Variants in SOX5 observed in about 807,000 individuals in gnomAD.
SOX5 encodes the protein transcription factor SOX-5.
In SOX5, 9 loss-of-function variants were observed where a neutral mutation model predicts 92.0. That is an observed-to-expected ratio of 0.10 (90% CI 0.06 to 0.17). The LOEUF is 0.17. SOX5 is among the 10% of genes least tolerant of loss of function. The pLI, the probability that SOX5 is intolerant of heterozygous loss-of-function variation, is 1.00. For synonymous variants in SOX5, 344 were observed against 336.3 expected, an observed-to-expected ratio of 1.02 and a Z score of -0.25; for missense variants, 642 against 944.5, an observed-to-expected ratio of 0.68 and a Z score of 4.20.
At chr12:24,005,316 A>G (rs1488821222) in intron 4 of SOX5, among the ~76,000 whole-genome samples, 6 of 152,180 alleles carry the variant, frequency 3.9e-5, no homozygotes, top group African/African-American at 1.4e-4. Flanking sequence ...GATTATTAGA[A>G]AGGAAGCATC....
chr12:23,839,399 C>T (rs550563842), intron 3 of SOX5, among the ~76,000 whole-genome samples: 222 of 152,282 alleles, frequency 1.5e-3, no homozygotes, highest in Middle Eastern at 3.4e-3. Flanking sequence ...CACATACTCT[C>T]ACAAAGCTGG....
At chr12:23,591,958 T>G (rs903788247) in intron 9 of SOX5, among the ~76,000 whole-genome samples, 2 of 152,120 alleles carry the variant, frequency 1.3e-5, no homozygotes, top group African/African-American at 4.8e-5. Context: ...TTATGAAATA[T>G]CTACACTGCC....
intron 4 of SOX5, among the ~76,000 whole-genome samples, chr12:24,104,024 G>A (rs1946391581): frequency 6.6e-6 from 1 of 152,180 alleles, no homozygotes; most frequent in Admixed American, 6.5e-5. Flanking sequence ...GTACAGGAAA[G>A]TTTTGAGTCT....
At chr12:23,544,799 T>C (rs1334174362) in intron 12 of SOX5, among the ~76,000 whole-genome samples, 1 of 152,240 alleles carries the variant, frequency 6.6e-6, no homozygotes, top group Non-Finnish European at 1.5e-5. Flanking sequence ...CCCGTAATTG[T>C]CTTTTATTGA....
intron 4 of SOX5, among the ~76,000 whole-genome samples, chr12:24,102,807 C>A (rs1593180775): frequency 6.6e-6 from 1 of 152,312 alleles, no homozygotes; most frequent in South Asian, 2.1e-4. Context: ...GCAGTGGCTA[C>A]TAATTTTTTC....
At chr12:24,308,171 G>A (rs182653156) in intron 2 of SOX5, among the ~76,000 whole-genome samples, 1 of 152,302 alleles carries the variant, frequency 6.6e-6, no homozygotes, top group Non-Finnish European at 1.5e-5. Context: ...CTGGTAAGGG[G>A]AGAATGCCTC....
In SOX5 at chr12:24,080,023, A is replaced by C. The variant is rs1055994318; in HGVS notation, c.-2+133320T>G. Among the ~76,000 whole-genome samples the C allele has an allele frequency of 3.9e-5, 6 of 151,964 alleles. No homozygotes were observed. In the South Asian group the frequency reaches 1.2e-3, roughly 31 times the overall value. On this transcript the variant is annotated intron_variant, in intron 4 of 4. Coordinates refer to the SOX5 transcript ENST00000446891. ...TGCTTTATTTTTTCAGAGTACAAGC[A>C]ATGTAAGGCTCACAGAGGAAACTTT...
rs533188510 is a variant in SOX5, at chr12:23,611,362, G to A, written c.1018-6829C>T. On this transcript the variant is annotated intron_variant, in intron 8 of 14. Coordinates refer to ENST00000451604, the MANE Select transcript of SOX5 (RefSeq NM_006940.6). ...CTGAAAAGTATTCCATCGTGTGTGT[G>A]TGTGTGCGTGTGTGTGTGTGTGTGT... Among the ~76,000 whole-genome samples, 40 of 127,704 alleles carry A rather than the reference G, an allele frequency of 3.1e-4. No homozygotes were observed. The South Asian group carries it at 5.0e-3, about 16-fold the overall frequency. The allele number at this position is 127,704 out of a possible 152,430, so 83.8% of individuals were successfully genotyped here.
intron 3 of SOX5, among the ~76,000 whole-genome samples, chr12:24,265,289 G>A (rs954582803): frequency 4.6e-5 from 7 of 152,118 alleles, no homozygotes; most frequent in African/African-American, 1.2e-4. Flanking sequence ...GCTCACGCCC[G>A]TAATCTTAAC....
At chr12:23,786,047 A>C (rs2095371187) in intron 3 of SOX5, among the ~76,000 whole-genome samples, 2 of 151,908 alleles carry the variant, frequency 1.3e-5, no homozygotes, top group Non-Finnish European at 2.9e-5. Context: ...TAAAATGAAA[A>C]GTTTTCTTTT....
chr12:23,889,405 A>G (rs935189869), intron 2 of SOX5, among the ~76,000 whole-genome samples: 1 of 152,204 alleles, frequency 6.6e-6, no homozygotes, highest in Non-Finnish European at 1.5e-5. Flanking sequence ...GAACAGTATT[A>G]CGCGCATAAC....
intron 13 of SOX5, among the ~76,000 whole-genome samples, chr12:23,539,799 T>A (rs1941525112): frequency 6.6e-6 from 1 of 152,128 alleles, no homozygotes; most frequent in Admixed American, 6.5e-5. Context: ...TATGGCCATA[T>A]AATAATTCCA....
chr12:23,806,961 A>G (rs2095790255), intron 3 of SOX5, among the ~76,000 whole-genome samples: 2 of 152,156 alleles, frequency 1.3e-5, no homozygotes, highest in Non-Finnish European at 1.5e-5. Context: ...TTTCAGCATG[A>G]TTTCTAACCT....
At chr12:23,685,743 G>A (rs777883454) in intron 6 of SOX5, among the ~76,000 whole-genome samples, 1 of 151,548 alleles carries the variant, frequency 6.6e-6, no homozygotes, top group Non-Finnish European at 1.5e-5. Context: ...CATCCCAGCA[G>A]CCCCCTGGAG....
intron 8 of SOX5, among the ~76,000 whole-genome samples, chr12:23,617,669 C>T (rs557108025): frequency 6.6e-6 from 1 of 152,180 alleles, no homozygotes; most frequent in East Asian, 1.9e-4. Context: ...GTATGATGCT[C>T]TCATGCTGTC....
chr12:23,733,858 G>A (rs1231353936), intron 6 of SOX5, among the ~76,000 whole-genome samples: 1 of 152,136 alleles, frequency 6.6e-6, no homozygotes, highest in Non-Finnish European at 1.5e-5. Flanking sequence ...GATGTCACAT[G>A]GGGTTGGATT....
chr12:24,074,078 A>T (rs1254707396), intron 4 of SOX5, among the ~76,000 whole-genome samples: 1 of 152,170 alleles, frequency 6.6e-6, no homozygotes, highest in Non-Finnish European at 1.5e-5. Flanking sequence ...CACAAGATGT[A>T]GAACAAGTTC....
chr12:24,442,439 T>C (rs995921860), intron 1 of SOX5, among the ~76,000 whole-genome samples: 2 of 152,150 alleles, frequency 1.3e-5, no homozygotes, highest in Non-Finnish European at 2.9e-5. Flanking sequence ...AATGAATATA[T>C]TGTATATTAG....
intron 4 of SOX5, among the ~76,000 whole-genome samples, chr12:24,071,503 C>T (rs992428218): frequency 1.3e-5 from 2 of 152,132 alleles, no homozygotes; most frequent in Admixed American, 6.5e-5. Context: ...GGCGCGATCT[C>T]GGCTCACTGC....
Sources: gnomAD v4.1 joint callset for allele counts (sites outside exome capture counted in the v4.1 genomes callset) on GRCh38, gnomAD v4.1.1 for gene constraint, MANE v1.5 for transcripts, NCBI Gene and HGNC (gene_info 2026-07-23, HGNC 2026-07-21) for gene names.